The following WDPCP variants were observed in gnomAD, a reference collection of about 807,000 sequenced individuals.
WDPCP encodes the protein WD repeat containing planar cell polarity effector, also known as WD repeat-containing and planar cell polarity effector protein fritz homolog.
WDPCP carries 71 observed loss-of-function variants against 93.1 expected under a neutral mutation model. That is an observed-to-expected ratio of 0.76 (90% CI 0.63 to 0.93). The LOEUF (loss-of-function observed/expected upper bound fraction) is 0.93. Among genes scored for constraint, WDPCP ranks in the 40% least tolerant of loss-of-function variants. The pLI, the probability that WDPCP is intolerant of heterozygous loss-of-function variation, is 0.00. For synonymous variants in WDPCP, 315 were observed against 315.0 expected, an observed-to-expected ratio of 1.00 and a Z score of 0.00; for missense variants, 844 against 887.4, an observed-to-expected ratio of 0.95 and a Z score of 0.62.
At chr2:63,168,844 G>A (rs7593896) in intron 15 of WDPCP, 89,979 of 152,122 alleles carry the variant, frequency 0.59, 27,424 homozygotes, top group Middle Eastern at 0.67. Flanking sequence ...GTGAGACTCC[G>A]TCTCTTAAAA....
At chr2:63,336,197 A>C (rs1017047572) in intron 12 of WDPCP, among the ~76,000 whole-genome samples, 1 of 152,166 alleles carries the variant, frequency 6.6e-6, no homozygotes, top group Non-Finnish European at 1.5e-5. Context: ...TCTTTCTTGC[A>C]CAAGATCCAA....
chr2:63,543,954 G>A (rs570473711), intron 1 of WDPCP, among the ~76,000 whole-genome samples: 30 of 152,010 alleles, frequency 2.0e-4, no homozygotes, highest in African/African-American at 7.2e-4. Flanking sequence ...TGTACTCTGG[G>A]GAGGGTGGTA....
chr2:63,663,373 A>C (rs1018954080), intron 2 of WDPCP, among the ~76,000 whole-genome samples: 3 of 152,232 alleles, frequency 2.0e-5, no homozygotes, highest in African/African-American at 7.2e-5. Context: ...TTATAAAACC[A>C]GTTGCATAAT....
At chr2:63,484,834 T>A (rs1415250071) in intron 5 of WDPCP, 83 bp downstream of exon 5, 1 of 1,526,566 alleles carries the variant, frequency 6.6e-7, no homozygotes. Flanking sequence ...TGAGAGTTGA[T>A]CCTTTATGAA....
intron 2 of WDPCP, among the ~76,000 whole-genome samples, chr2:63,719,997 G>A (rs1669391834): frequency 6.6e-6 from 1 of 152,152 alleles, no homozygotes; most frequent in South Asian, 2.1e-4. Flanking sequence ...AATAGTGGTT[G>A]CCTCTGGGGT....
intron 2 of WDPCP, among the ~76,000 whole-genome samples, chr2:63,795,401 C>A (rs1245292746): frequency 6.6e-6 from 1 of 151,576 alleles, no homozygotes; most frequent in East Asian, 1.9e-4. Context: ...TGCAGTGGTG[C>A]ACATCTATAA....
At chr2:63,689,446 A>C (rs975391512) in intron 2 of WDPCP, among the ~76,000 whole-genome samples, 3 of 152,160 alleles carry the variant, frequency 2.0e-5, no homozygotes, top group Non-Finnish European at 4.4e-5. Context: ...GATTTGTAGG[A>C]GGGTGAAGTA....
At chr2:63,397,904 AC>A (rs1264146477) in intron 10 of WDPCP, among the ~76,000 whole-genome samples, 1 of 152,136 alleles carries the variant, frequency 6.6e-6, no homozygotes, top group Non-Finnish European at 1.5e-5. Context: ...CAGATGGGAA[AC>A]CATTTTAGGG....
At chr2:63,210,617 T>C (rs1408666211) in intron 14 of WDPCP, among the ~76,000 whole-genome samples, 3 of 152,054 alleles carry the variant, frequency 2.0e-5, no homozygotes, top group Non-Finnish European at 4.4e-5. Context: ...TGCAGGACAG[T>C]GGGTGCAGCC....
chr2:63,439,226 A>G (rs1697338918), intron 7 of WDPCP, among the ~76,000 whole-genome samples: 1 of 152,134 alleles, frequency 6.6e-6, no homozygotes. Context: ...CTTTGTACCA[A>G]TTACAGACTG....
intron 2 of WDPCP, chr2:63,717,167 A>G (rs536368847): frequency 1.6e-4 from 69 of 427,076 alleles, no homozygotes; most frequent in African/African-American, 1.3e-3. Flanking sequence ...GAAATGAAGA[A>G]TGCATCTTTT....
At chr2:63,321,763 G>C (rs961209493) in intron 12 of WDPCP, among the ~76,000 whole-genome samples, 1 of 151,992 alleles carries the variant, frequency 6.6e-6, no homozygotes, top group Non-Finnish European at 1.5e-5. Flanking sequence ...TGGCAACTTT[G>C]CTTTACTTTT....
At chr2:63,508,110 A>G (rs1193126654) in intron 1 of WDPCP, among the ~76,000 whole-genome samples, 2 of 152,198 alleles carry the variant, frequency 1.3e-5, no homozygotes, top group Non-Finnish European at 2.9e-5. Context: ...CCTCGAGAAG[A>G]GCAACCCCAA....
intron 6 of WDPCP, among the ~76,000 whole-genome samples, chr2:63,459,073 C>A (rs572265124): frequency 2.0e-5 from 3 of 152,134 alleles, no homozygotes; most frequent in Non-Finnish European, 4.4e-5. Context: ...CAGAAGTCAA[C>A]TCAAGATGGA....
chr2:63,209,479 T>C (rs1676597851), intron 14 of WDPCP, among the ~76,000 whole-genome samples: 1 of 152,190 alleles, frequency 6.6e-6, no homozygotes, highest in Admixed American at 6.5e-5. Context: ...AGAAATCACA[T>C]TGCTTCAACA....
intron 12 of WDPCP, among the ~76,000 whole-genome samples, chr2:63,342,432 T>C (rs1019719533): frequency 1.3e-5 from 2 of 152,230 alleles, no homozygotes; most frequent in East Asian, 1.9e-4. Context: ...ATAAATCATA[T>C]GTGTTTTGTT....
At chr2:63,241,074 T>C (rs1360583605) in intron 14 of WDPCP, among the ~76,000 whole-genome samples, 1 of 152,218 alleles carries the variant, frequency 6.6e-6, no homozygotes, top group African/African-American at 2.4e-5. Context: ...TCACATTCTG[T>C]GATTGACATT....
At chr2:63,681,239 T>TAA (rs1710488614) in intron 2 of WDPCP, among the ~76,000 whole-genome samples, 1 of 152,170 alleles carries the variant, frequency 6.6e-6, no homozygotes, top group African/African-American at 2.4e-5. Context: ...ACAGGGCTCT[T>TAA]AGAGTTCCCA....
intron 9 of WDPCP, among the ~76,000 whole-genome samples, chr2:63,415,886 T>A (rs1181588594): frequency 2.0e-5 from 3 of 152,194 alleles, no homozygotes; most frequent in Non-Finnish European, 4.4e-5. Flanking sequence ...GTGCTTTTTG[T>A]CCAGTAGCTA....
Sources: allele counts gnomAD v4.1 joint callset (sites outside exome capture counted in the v4.1 genomes callset), GRCh38; gene constraint gnomAD v4.1.1; transcripts MANE v1.5; gene names NCBI Gene and HGNC (gene_info 2026-07-23, HGNC 2026-07-21).